Variants in NR3C2 observed in about 807,000 individuals in gnomAD.
The protein encoded by NR3C2 is nuclear receptor subfamily 3 group C member 2.
NR3C2 carries 15 observed loss-of-function variants against 86.4 expected under a neutral mutation model. The ratio of observed to expected loss-of-function variants is 0.17; its 90% CI spans 0.12 to 0.27. The LOEUF (loss-of-function observed/expected upper bound fraction) is 0.27. Ranked by LOEUF, NR3C2 falls within the 10% of genes least tolerant of loss-of-function variation. The pLI, the probability that NR3C2 is intolerant of heterozygous loss-of-function variation, is 1.00. For missense variants in NR3C2, 960 were observed against 1,195.6 expected, an observed-to-expected ratio of 0.80 and a Z score of 2.91; for synonymous variants, 458 against 450.5, an observed-to-expected ratio of 1.02 and a Z score of -0.21.
rs143857386 is a variant in NR3C2, at chr4:148,206,776, G to C, written c.1898-11914C>G. Among the ~76,000 whole-genome samples, 305 of 152,280 alleles carry C rather than the reference G, an allele frequency of 2.0e-3. 2 individuals are homozygous for C. The highest frequency in any genetic ancestry group is 6.8e-3 in the African/African-American group (282 of 41,566). Reference sequence around the variant, plus strand: ...TGAGACTGAGAAGGGCAGGGTTGGAGAAGGGACTAGATCATAAGTGTGCTG... The same window carrying C: ...TGAGACTGAGAAGGGCAGGGTTGGACAAGGGACTAGATCATAAGTGTGCTG... On this transcript the variant is annotated intron_variant, in intron 3 of 8. Transcript: ENST00000358102.
rs1745888161 is a variant in NR3C2, at chr4:148,362,480, T to A, written c.1757+72624A>T. The stretch of plus-strand genomic sequence containing the variant: ...CTTTAAAACTTTAAAATTTAAAAAT[T>A]AAAAATTTTAAAAATGAAATTTTTT... On this transcript the variant is annotated intron_variant, in intron 2 of 8. Coordinates refer to ENST00000358102, the MANE Select transcript of NR3C2 (RefSeq NM_000901.5). 2.6e-5 allele frequency among the ~76,000 whole-genome samples: 4 copies of A among 152,342 alleles called. No homozygotes were observed. The South Asian group carries it at 8.3e-4, about 32-fold the overall frequency.
chr4:148,113,592 G>A (rs1385458556), intron 8 of NR3C2, among the ~76,000 whole-genome samples: 1 of 152,038 alleles, frequency 6.6e-6, no homozygotes, highest in Non-Finnish European at 1.5e-5. Context: ...TCTTCCCAAA[G>A]CCCTGTGTAT....
intron 6 of NR3C2, among the ~76,000 whole-genome samples, chr4:148,142,846 A>G (rs1218517958): frequency 1.3e-5 from 2 of 152,074 alleles, no homozygotes; most frequent in Non-Finnish European, 2.9e-5. Flanking sequence ...GCCTTGCTCT[A>G]AATGCTGTCC....
In NR3C2 at chr4:148,364,749, A is replaced by G. The variant is rs1746023348; in HGVS notation, c.1757+70355T>C. On this transcript the variant is annotated intron_variant, in intron 2 of 8. Transcript: ENST00000358102. ...ATGGCCTGACTGTCCAAGGTCACAC[A>G]GTGAGATGACTGGTTGAGTATCCCT... Among the ~76,000 whole-genome samples, 4 of 151,950 alleles carry G rather than the reference A, an allele frequency of 2.6e-5. No individual in the cohort carries two copies. In the South Asian group the frequency reaches 8.3e-4, roughly 32 times the overall value.
At chr4:148,288,936 T>G (rs1741663985) in intron 2 of NR3C2, among the ~76,000 whole-genome samples, 1 of 152,084 alleles carries the variant, frequency 6.6e-6, no homozygotes, top group Non-Finnish European at 1.5e-5. Flanking sequence ...GTACACCAGT[T>G]TAAGTATGCC....
chr4:148,202,338 C>T (rs1265813994), intron 3 of NR3C2, among the ~76,000 whole-genome samples: 1 of 152,184 alleles, frequency 6.6e-6, no homozygotes, highest in Non-Finnish European at 1.5e-5. Context: ...CCCCTTTACT[C>T]AGTCTGCCTT....
chr4:148,249,389 A>C (rs533725749), intron 3 of NR3C2, among the ~76,000 whole-genome samples: 1 of 152,220 alleles, frequency 6.6e-6, no homozygotes, highest in Non-Finnish European at 1.5e-5. Flanking sequence ...AATACTGTAC[A>C]TAAGTATGAA....
At position 148,080,686 on chromosome 4, in the gene NR3C2, A is replaced by AGAT. The variant is rs976545578; in HGVS notation, c.*655_*657dup. The stretch of plus-strand genomic sequence containing the variant: ...AAATTATTTGTAAAGCCAACACAAT[A>AGAT]GATACTAGAAATCAAACCAAGGCAT... On this transcript the variant is annotated 3_prime_UTR_variant, in exon 9 of 9. Transcript: ENST00000358102. 18 of 262,118 alleles carry AGAT rather than the reference A, an allele frequency of 6.9e-5. No individual in the cohort carries two copies. The highest frequency in any genetic ancestry group is 3.3e-4 in the African/African-American group (15 of 45,570). The allele number at this position is 262,118 out of a possible 1,614,324, so 16.2% of individuals were successfully genotyped here.
chr4:148,101,072 T>C (rs1731514480), intron 8 of NR3C2, among the ~76,000 whole-genome samples: 1 of 152,172 alleles, frequency 6.6e-6, no homozygotes, highest in South Asian at 2.1e-4. Flanking sequence ...CAAAGAGCTC[T>C]GGAAATTGGT....
chr4:148,417,837 T>C (rs1164956005), intron 2 of NR3C2, among the ~76,000 whole-genome samples: 5 of 152,210 alleles, frequency 3.3e-5, no homozygotes, highest in Non-Finnish European at 7.4e-5. Context: ...GAAGATACTA[T>C]ATATTTTGCA....
At chr4:148,136,011 C>A (rs1271505480) in intron 6 of NR3C2, among the ~76,000 whole-genome samples, 46 of 118,606 alleles carry the variant, frequency 3.9e-4, no homozygotes, top group Non-Finnish European at 7.0e-4. Context: ...GAGCCGAGAT[C>A]CCGCCACTGC....
At chr4:148,284,461 C>T (rs928026617) in intron 2 of NR3C2, among the ~76,000 whole-genome samples, 1 of 152,146 alleles carries the variant, frequency 6.6e-6, no homozygotes, top group Admixed American at 6.5e-5. Context: ...AGACTAGGTA[C>T]TCACGCTGTG....
At chr4:148,271,969 A>G (rs985940515) in intron 2 of NR3C2, among the ~76,000 whole-genome samples, 2 of 152,138 alleles carry the variant, frequency 1.3e-5, no homozygotes, top group African/African-American at 4.8e-5. Flanking sequence ...TATCCACCTA[A>G]ACCTGTAGAT....
At chr4:148,292,194 G>T (rs1741829218) in intron 2 of NR3C2, among the ~76,000 whole-genome samples, 1 of 149,822 alleles carries the variant, frequency 6.7e-6, no homozygotes, top group African/African-American at 2.5e-5. Flanking sequence ...TCTTCTTTTG[G>T]TCTTTATTAT....
At position 148,286,876 on chromosome 4, in the gene NR3C2, G is replaced by A. The variant is rs1252895675; in HGVS notation, c.1758-26759C>T. Among the ~76,000 whole-genome samples the A allele has an allele frequency of 2.0e-5, 3 of 152,300 alleles. No homozygotes were observed. The East Asian group carries it at 5.8e-4, about 29-fold the overall frequency. ...TACTTTACAATCATGTACAAAGGGA[G>A]TCACAATTCTTTTCTGAATGGGAAT... is the stretch of plus-strand genomic sequence containing the variant. On this transcript the variant is annotated intron_variant, in intron 2 of 8. Coordinates refer to ENST00000358102, the MANE Select transcript of NR3C2 (RefSeq NM_000901.5).
At chr4:148,423,229 A>T (rs1027578858) in intron 2 of NR3C2, among the ~76,000 whole-genome samples, 2 of 16,990 alleles carry the variant, frequency 1.2e-4, no homozygotes, top group Non-Finnish European at 3.8e-4. Context: ...TCCTGAATTA[A>T]AAAAAAAAAA....
chr4:148,434,681 G>C (rs1749948769), intron 2 of NR3C2, among the ~76,000 whole-genome samples: 1 of 151,760 alleles, frequency 6.6e-6, no homozygotes, highest in South Asian at 2.1e-4. Context: ...GATTAATAAA[G>C]AAAGCCATAA....
intron 2 of NR3C2, among the ~76,000 whole-genome samples, chr4:148,395,218 T>A (rs929660476): frequency 6.6e-6 from 1 of 152,188 alleles, no homozygotes; most frequent in African/African-American, 2.4e-5. Flanking sequence ...TTAATTAGTA[T>A]GTATAAACTC....
intron 6 of NR3C2, among the ~76,000 whole-genome samples, chr4:148,139,705 G>A (rs1299543173): frequency 5.9e-5 from 9 of 152,170 alleles, no homozygotes; most frequent in East Asian, 1.9e-4. Flanking sequence ...TGCACAGTGC[G>A]CTTTAATAAG....
Sources: gnomAD v4.1 joint callset for allele counts (sites outside exome capture counted in the v4.1 genomes callset) on GRCh38, gnomAD v4.1.1 for gene constraint, MANE v1.5 for transcripts, NCBI Gene and HGNC (gene_info 2026-07-23, HGNC 2026-07-21) for gene names.